MEIOB: variants seen among roughly 807,000 people sequenced by gnomAD.
The protein encoded by MEIOB is meiosis-specific with OB domain-containing protein.
A neutral mutation model predicts 53.1 loss-of-function variants in MEIOB; 50 were observed. The observed-to-expected ratio is 0.94, with a 90% confidence interval of 0.75 to 1.19. The LOEUF is 1.19. Among genes scored for constraint, MEIOB ranks in the 50% most tolerant of loss-of-function variants. The pLI is 0.00. For synonymous variants in MEIOB, 192 were observed against 182.5 expected, an observed-to-expected ratio of 1.05 and a Z score of -0.42; for missense variants, 551 against 550.8, an observed-to-expected ratio of 1.00 and a Z score of 0.00.
intron 13 of MEIOB, 138 bp downstream of exon 13, chr16:1,837,646 A>G: frequency 2.0e-6 from 1 of 491,078 alleles, no homozygotes; most frequent in Non-Finnish European, 3.6e-6. Context: ...TGCTTTTAGG[A>G]TAGCTGAATC....
At chr16:1,846,283 G>A (rs1899024414) in intron 9 of MEIOB, among the ~76,000 whole-genome samples, 1 of 152,158 alleles carries the variant, frequency 6.6e-6, no homozygotes, top group South Asian at 2.1e-4. Flanking sequence ...TCCTGTGATG[G>A]GGGCTGGCAG....
chr16:1,858,532 TA>T (rs1387596668), intron 5 of MEIOB, among the ~76,000 whole-genome samples: 2 of 152,200 alleles, frequency 1.3e-5, no homozygotes, highest in Non-Finnish European at 2.9e-5. Context: ...ACTGCCTTGC[TA>T]TCCTAACTAA....
chr16:1,865,008 G>A (rs1899547941), intron 3 of MEIOB, among the ~76,000 whole-genome samples: 1 of 152,156 alleles, frequency 6.6e-6, no homozygotes, highest in South Asian at 2.1e-4. Context: ...TTACCTTAAA[G>A]ATAAAAGCAT....
chr16:1,849,358 C>T (rs1380154189), intron 9 of MEIOB, among the ~76,000 whole-genome samples: 1 of 152,072 alleles, frequency 6.6e-6, no homozygotes, highest in Admixed American at 6.6e-5. Flanking sequence ...TCCTGGCTAA[C>T]ATGGTGAAAC....
At chr16:1,862,986 T>C (rs758006422) in intron 3 of MEIOB, among the ~76,000 whole-genome samples, 3 of 151,498 alleles carry the variant, frequency 2.0e-5, no homozygotes, top group East Asian at 2.0e-4. Flanking sequence ...TCCCAGGACT[T>C]TGGGAGGTGA....
chr16:1,842,623 C>CAAAAAAAAACAAAAAAAAAAAAAAAAAAA (rs202147878), intron 10 of MEIOB, among the ~76,000 whole-genome samples: 1 of 97,776 alleles, frequency 1.0e-5, no homozygotes, highest in African/African-American at 4.1e-5. Context: ...AACTCCATCT[C>CAAAAAAAAACAAAAAAAAAAAAAAAAAAA]AAAAAGACAG....
At chr16:1,861,072 C>G (rs901980836) in intron 4 of MEIOB, among the ~76,000 whole-genome samples, 2 of 152,064 alleles carry the variant, frequency 1.3e-5, no homozygotes, top group Non-Finnish European at 2.9e-5. Context: ...TTACAAGAAC[C>G]TAATGAGGTA....
intron 6 of MEIOB, 40 bp from the exon 7 acceptor site, chr16:1,854,240 T>G (rs1191377452): frequency 8.8e-7 from 1 of 1,130,410 alleles, no homozygotes; most frequent in Non-Finnish European, 1.3e-6. Context: ...CACCTATATG[T>G]AGAAGTTCTT....
chr16:1,853,749 C>T (rs1199097264), intron 7 of MEIOB, among the ~76,000 whole-genome samples: 4 of 152,192 alleles, frequency 2.6e-5, no homozygotes, highest in Admixed American at 6.5e-5. Flanking sequence ...CCCTGGCCCA[C>T]GTGCCCCTGT....
intron 4 of MEIOB, 96 bp from the exon 5 acceptor site, chr16:1,860,571 C>G: frequency 1.4e-6 from 1 of 692,964 alleles, no homozygotes; most frequent in South Asian, 1.8e-5. Flanking sequence ...TGATCATCAT[C>G]GACTCTAGGC....
At position 1,834,281 on chromosome 16, in the gene MEIOB, T is replaced by C; in HGVS notation, c.1391A>G (p.Asn464Ser). Residue 464 changes from asparagine (N) to serine (S), a missense_variant, in exon 14 of 14, where the codon AAC becomes AGC. Transcript: ENST00000325962. Reference sequence around the variant, plus strand: ...TTAAACATGTTTTTGTCCAGACAAGTTTCTGCTTGCCTCAGTAGGATCTGC... The same window carrying C: ...TTAAACATGTTTTTGTCCAGACAAGCTTCTGCTTGCCTCAGTAGGATCTGC... ...KLADPTEASR[N>S]LSGQKHV 1 of 1,610,160 alleles carries C rather than the reference T, an allele frequency of 6.2e-7. No individual in the cohort carries two copies. The highest frequency in any genetic ancestry group is 1.7e-4 in the Middle Eastern group (1 of 6,056).
rs150321971 is a variant in MEIOB at position 1,839,739 on chromosome 16, G to A, written c.1035-301C>T. The A allele has an allele frequency of 2.1e-3, 618 of 291,498 alleles. 3 individuals carry two copies. The highest frequency in any genetic ancestry group is 0.012 in the African/African-American group (544 of 45,318). 18.1% of individuals were successfully genotyped at this position (291,498 alleles called of 1,614,324 possible). The stretch of plus-strand genomic sequence containing the variant: ...TTCCTTGCTGGGGCCCTCCCTTCTC[G>A]TATCCCAGCCTGCAGCCTTTCTCTC... On this transcript the variant is annotated intron_variant, in intron 11 of 13. Coordinates refer to ENST00000325962, the MANE Select transcript of MEIOB (RefSeq NM_001163560.3).
chr16:1,851,279 T>C (rs770802789), intron 9 of MEIOB, among the ~76,000 whole-genome samples: 5 of 152,144 alleles, frequency 3.3e-5, no homozygotes, highest in Admixed American at 6.6e-5. Flanking sequence ...CTCCCACACA[T>C]AGGCACAGGG....
chr16:1,869,759 A>G (rs1899690375), intron 1 of MEIOB, among the ~76,000 whole-genome samples: 1 of 151,742 alleles, frequency 6.6e-6, no homozygotes, highest in South Asian at 2.1e-4. Flanking sequence ...CCTCAGTGGG[A>G]CATTTAAGGA....
In MEIOB at chr16:1,839,171, G is replaced by A; in HGVS notation, c.1218+84C>T. The A allele has an allele frequency of 2.1e-6, 3 of 1,419,684 alleles. No homozygotes were observed. In the African/African-American group the frequency reaches 4.3e-5, roughly 20 times the overall value. The allele number at this position is 1,419,684 out of a possible 1,614,324, so 87.9% of individuals were successfully genotyped here. On this transcript the variant is annotated intron_variant, in intron 12 of 13. Transcript: ENST00000325962. ...ATTAGTGAATCAATTTCTATCAAAT[G>A]TTTGACAAAACAACCTATATTTTTT...
intron 6 of MEIOB, 54 bp from the exon 7 acceptor site, chr16:1,854,254 T>G: frequency 9.6e-7 from 1 of 1,042,766 alleles, no homozygotes; most frequent in South Asian, 1.5e-5. Flanking sequence ...AGTTCTTAAG[T>G]ATTTGTTGAT....
chr16:1,860,882 G>C (rs1314188353), intron 4 of MEIOB, among the ~76,000 whole-genome samples: 1 of 152,124 alleles, frequency 6.6e-6, no homozygotes, highest in African/African-American at 2.4e-5. Flanking sequence ...TCAGCTGCTT[G>C]AGACCACAGT....
intron 9 of MEIOB, among the ~76,000 whole-genome samples, chr16:1,850,146 G>T (rs2815299): frequency 0.98 from 149,653 of 152,318 alleles, 73,533 homozygotes; most frequent in East Asian, 1. Context: ...TCTCATTAAT[G>T]AGATCTTGAG....
intron 11 of MEIOB, chr16:1,840,180 T>C (rs990448283): frequency 2.0e-5 from 3 of 152,184 alleles, no homozygotes; most frequent in South Asian, 2.1e-4. Flanking sequence ...TTTCCTCAGA[T>C]ATCAATAATA....
Sources: allele counts gnomAD v4.1 joint callset (sites outside exome capture counted in the v4.1 genomes callset), GRCh38; gene constraint gnomAD v4.1.1; transcripts MANE v1.5; gene names NCBI Gene and HGNC (gene_info 2026-07-23, HGNC 2026-07-21).